ESRRG: variants seen among roughly 807,000 people sequenced by gnomAD.
ESRRG encodes the protein estrogen-related receptor gamma.
In ESRRG, 13 loss-of-function variants were observed where a neutral mutation model predicts 44.0. That is an observed-to-expected ratio of 0.30 (90% CI 0.19 to 0.47). The LOEUF is 0.47. Among genes scored for constraint, ESRRG ranks in the 20% least tolerant of loss-of-function variants. ESRRG has a pLI of 1.00. For missense variants in ESRRG, 395 were observed against 580.6 expected (o/e 0.68, Z 3.29); for synonymous variants, 215 against 214.6 (o/e 1.00, Z -0.02).
In ESRRG at chr1:216,984,500, G is replaced by A. The variant is rs1393630985; in HGVS notation, c.-105-44827C>T. Among the ~76,000 whole-genome samples, 8 of 152,100 alleles carry A rather than the reference G, an allele frequency of 5.3e-5. No homozygotes were observed. The South Asian group carries it at 1.2e-3, about 24-fold the overall frequency. ...AGAAACAAACATCTGTTTTGGGGAC[G>A]ACACCTGATAATTTTAACCATTCCT... On this transcript the variant is annotated intron_variant, in intron 1 of 7. Transcript: ENST00000359162.
rs918186975 is a variant in ESRRG, at chr1:216,629,338, A to AT, written c.589+21634dup. On this transcript the variant is annotated intron_variant, in intron 3 of 6. Transcript: ENST00000408911. Reference sequence around the variant, plus strand: ...TTAAAGACAAAAGTGGGAAGGAAAGATTTTTTTTTCTTAAGCATAAAGTAT... The same window carrying AT: ...TTAAAGACAAAAGTGGGAAGGAAAGATTTTTTTTTTCTTAAGCATAAAGTAT... 1.3e-4 allele frequency among the ~76,000 whole-genome samples: 20 copies of AT among 151,924 alleles called. No homozygotes were observed. The East Asian group carries it at 2.7e-3, about 21-fold the overall frequency.
chr1:217,072,239 C>T (rs953221324), intron 1 of ESRRG, among the ~76,000 whole-genome samples: 8 of 152,184 alleles, frequency 5.3e-5, no homozygotes, highest in Non-Finnish European at 8.8e-5. Flanking sequence ...ATCATCACCA[C>T]CATCGTATTA....
intron 5 of ESRRG, among the ~76,000 whole-genome samples, chr1:216,557,731 A>T (rs1309438756): frequency 6.6e-6 from 1 of 152,224 alleles, no homozygotes; most frequent in East Asian, 1.9e-4. Context: ...CAAATAGATT[A>T]TCACAAATGT....
intron 1 of ESRRG, among the ~76,000 whole-genome samples, chr1:217,016,445 A>G (rs2079397808): frequency 6.6e-6 from 1 of 152,122 alleles, no homozygotes; most frequent in Non-Finnish European, 1.5e-5. Context: ...CCCAGAAAGC[A>G]TTTAGAAAAA....
intron 1 of ESRRG, among the ~76,000 whole-genome samples, chr1:216,691,487 C>A (rs2079042438): frequency 6.6e-6 from 1 of 152,134 alleles, no homozygotes; most frequent in Non-Finnish European, 1.5e-5. Flanking sequence ...GATGACTTTC[C>A]TTAGCAGGAA....
At chr1:216,673,349 T>A (rs1234819652) in intron 2 of ESRRG, among the ~76,000 whole-genome samples, 1 of 152,234 alleles carries the variant, frequency 6.6e-6, no homozygotes, top group East Asian at 1.9e-4. Context: ...CCTCACTGCC[T>A]TTTTGGGGCT....
At chr1:216,760,065 A>T (rs2092686362) in intron 2 of ESRRG, among the ~76,000 whole-genome samples, 1 of 151,976 alleles carries the variant, frequency 6.6e-6, no homozygotes, top group Non-Finnish European at 1.5e-5. Context: ...ATTTTCCCAC[A>T]TCCTGTGCAT....
At chr1:217,028,974 C>A (rs1342986768) in intron 1 of ESRRG, among the ~76,000 whole-genome samples, 2 of 152,102 alleles carry the variant, frequency 1.3e-5, no homozygotes, top group African/African-American at 4.8e-5. Flanking sequence ...ACACTGGACC[C>A]CTCTTTATCT....
chr1:217,078,320 G>T (rs1193637993), intron 1 of ESRRG: 1 of 152,240 alleles, frequency 6.6e-6, no homozygotes, highest in Non-Finnish European at 1.5e-5. Context: ...GGTTAAAAAG[G>T]CTGCTTTAAA....
chr1:216,963,074 C>T (rs2150196626), intron 1 of ESRRG, among the ~76,000 whole-genome samples: 1 of 152,250 alleles, frequency 6.6e-6, no homozygotes, highest in South Asian at 2.1e-4. Context: ...ATTCAACTCA[C>T]TGAGTTGTTT....
At chr1:216,602,276 G>C (rs922348276) in intron 3 of ESRRG, among the ~76,000 whole-genome samples, 1 of 152,138 alleles carries the variant, frequency 6.6e-6, no homozygotes, top group African/African-American at 2.4e-5. Context: ...AGGCTAAAGG[G>C]TCACACACCC....
At chr1:216,764,053 C>A (rs373675112) in intron 2 of ESRRG, among the ~76,000 whole-genome samples, 28 of 152,234 alleles carry the variant, frequency 1.8e-4, no homozygotes, top group African/African-American at 6.7e-4. Context: ...CTGTGGCTAT[C>A]GGAATCTCCA....
chr1:216,848,303 G>A (rs11117700), intron 2 of ESRRG, among the ~76,000 whole-genome samples: 5,101 of 152,098 alleles, frequency 0.034, 299 homozygotes, highest in African/African-American at 0.11. Flanking sequence ...GAAAGACTGA[G>A]CCCTACATGG....
At chr1:216,538,363 C>T (rs991447782) in intron 5 of ESRRG, among the ~76,000 whole-genome samples, 1 of 152,008 alleles carries the variant, frequency 6.6e-6, no homozygotes, top group Non-Finnish European at 1.5e-5. Context: ...GGAATGGTCA[C>T]ATCTTGAATG....
intron 1 of ESRRG, among the ~76,000 whole-genome samples, chr1:217,113,714 G>A (rs1269434759): frequency 6.6e-6 from 1 of 152,132 alleles, no homozygotes; most frequent in East Asian, 1.9e-4. Flanking sequence ...TCTGGGCCAG[G>A]CACAGTGGCT....
At chr1:216,933,208 T>C (rs956619962) in intron 2 of ESRRG, among the ~76,000 whole-genome samples, 5 of 152,122 alleles carry the variant, frequency 3.3e-5, no homozygotes, top group Non-Finnish European at 7.4e-5. Flanking sequence ...TTTTCTATAT[T>C]GACAATATAT....
intron 2 of ESRRG, among the ~76,000 whole-genome samples, chr1:216,807,136 C>T (rs1432492527): frequency 1.3e-5 from 2 of 152,184 alleles, no homozygotes; most frequent in Non-Finnish European, 2.9e-5. Flanking sequence ...CATGGTTTGA[C>T]ATGAATATTA....
At chr1:217,133,538 T>C (rs7546014) in intron 1 of ESRRG, among the ~76,000 whole-genome samples, 5,253 of 152,330 alleles carry the variant, frequency 0.034, 117 homozygotes, top group African/African-American at 0.051. Flanking sequence ...CCTTCACTCT[T>C]GAAAGTCCTG....
chr1:216,796,575 GT>G (rs1236014055), intron 2 of ESRRG, among the ~76,000 whole-genome samples: 1 of 152,140 alleles, frequency 6.6e-6, no homozygotes, highest in Non-Finnish European at 1.5e-5. Flanking sequence ...TAAATACACA[GT>G]CTTCCAAATC....
Sources: allele counts gnomAD v4.1 joint callset (sites outside exome capture counted in the v4.1 genomes callset), GRCh38; gene constraint gnomAD v4.1.1; transcripts MANE v1.5; gene names NCBI Gene and HGNC (gene_info 2026-07-23, HGNC 2026-07-21).